The following LTBP3 variants were observed in gnomAD, a reference collection of about 807,000 sequenced individuals.
LTBP3 encodes latent transforming growth factor beta binding protein 3.
Under a neutral mutation model 159.7 loss-of-function variants are expected in LTBP3, and 97 were observed. That is an observed-to-expected ratio of 0.61 (90% CI 0.52 to 0.72). LTBP3 has a LOEUF of 0.72. Among genes scored for constraint, LTBP3 ranks in the 30% least tolerant of loss-of-function variants. The probability of loss-of-function intolerance (pLI) is 0.00; values close to 1 mark genes in which losing one functional copy is unlikely to be tolerated. For synonymous variants in LTBP3, 824 were observed against 777.1 expected, an observed-to-expected ratio of 1.06 and a Z score of -1.00; for missense variants, 1,584 against 1,864.3, an observed-to-expected ratio of 0.85 and a Z score of 2.77.
intron 25 of LTBP3, 43 bp downstream of exon 25, chr11:65,539,677 C>G (rs1404196606): frequency 1.3e-6 from 2 of 1,579,888 alleles, no homozygotes; most frequent in Non-Finnish European, 8.6e-7. Context: ...CGGGCCCTGG[C>G]CCCCATCCTC....
chr11:65,540,790 C>CGGT, intron 21 of LTBP3, 81 bp downstream of exon 21: 1 of 1,479,602 alleles, frequency 6.8e-7, no homozygotes. Context: ...GGGCAGCTGA[C>CGGT]CCAGCGAGTC....
Position 65,543,694 on chromosome 11 carries a change from GCA to G in LTBP3, c.2354-147_2354-146del, listed in dbSNP as rs970764162. On this transcript the variant is annotated intron_variant, in intron 16 of 27. Transcript: ENST00000301873. ...ACAGGCCTCACCCTGCTTCTGGGTG[GCA>G]CACAGTGCCCTGACGACCAGGTCAG... 3 of 1,067,300 alleles carry G rather than the reference GCA, an allele frequency of 2.8e-6. No individual in the cohort carries two copies. In the Admixed American group the frequency reaches 5.4e-5, roughly 19 times the overall value. 66.1% of individuals were successfully genotyped at this position (1,067,300 alleles called of 1,614,324 possible).
In LTBP3 at chr11:65,546,512, G is replaced by A. The variant is rs769833253; in HGVS notation, c.2283C>T (p.Asn761=). 4.4e-6 allele frequency: 7 copies of A among 1,600,592 alleles called. No individual in the cohort carries two copies. In the East Asian group the frequency reaches 1.6e-4, roughly 36 times the overall value. ...AGGTGCAGCGGAAGGAGCCCGGGAG[G>A]TTCTCGCACCAGCCAGGCGAGCAGG... ...GSPCSPGWCE[N]LPGSFRCTCA... is the part of the protein sequence containing the mutation. The change falls in exon 16 of 28, where the codon AAC becomes AAT. Residue 761 remains asparagine (N), a synonymous_variant. Transcript: ENST00000301873. The surrounding 1 kb of genome is among the most constrained non-coding windows in gnomAD (Gnocchi z 4.0).
chr11:65,543,117 T>C lies in LTBP3; in HGVS notation c.2584A>G (p.Arg862Gly), dbSNP rs1301236177. 2 of 1,613,956 alleles carry C rather than the reference T, an allele frequency of 1.2e-6. No homozygotes were observed. Among genetic ancestry groups the C allele is most frequent in the African/African-American group, 2.7e-5 (2 of 74,920 alleles). Residue 862 changes from arginine (R) to glycine (G), a missense_variant, in exon 18 of 28, where the codon AGG becomes GGG. Arg to Gly is a moderately radical substitution (Grantham distance 125, BLOSUM62 -2). Around this residue, in one of 6 missense-constraint regions of LTBP3, gnomAD observed 565 missense variants for 677.7 expected, o/e 0.83. Transcript: ENST00000301873. ...CPQGHRLVGG[R>G]KCQDIDECSQ... ...CAGTCCCCCATACCTTGGCATTTCCTGCCACCCACCAGCCGATGCCCCTGG... is the reference window on the plus strand; with the variant it reads ...CAGTCCCCCATACCTTGGCATTTCCCGCCACCCACCAGCCGATGCCCCTGG...
At chr11:65,540,751 G>C in intron 21 of LTBP3, 120 bp downstream of exon 21, 1 of 1,059,540 alleles carries the variant, frequency 9.4e-7, no homozygotes, top group Non-Finnish European at 1.3e-6. Context: ...GGGCCTGCGA[G>C]GAAGGTGCGG....
Position 65,542,915 on chromosome 11 carries a change from A to AGGAT in LTBP3, c.2596+186_2596+189dup, listed in dbSNP as rs574821182. 271 of 787,444 alleles carry AGGAT rather than the reference A, an allele frequency of 3.4e-4. 1 individual carries two copies. In the African/African-American group the frequency reaches 4.0e-3, roughly 12 times the overall value. 48.8% of individuals were successfully genotyped at this position (787,444 alleles called of 1,614,324 possible). A position where few individuals can be genotyped will look rare whatever the true frequency, so the allele number is the denominator to read the frequency against. On this transcript the variant is annotated intron_variant, in intron 18 of 27. Coordinates refer to ENST00000301873, the MANE Select transcript of LTBP3 (RefSeq NM_001130144.3). ...GTGGGTGAGTGGAAGGATGAATGGA[A>AGGAT]GGATGGATGGATAGAAGGATGGATG...
chr11:65,548,133 C>T (rs1856461726), intron 11 of LTBP3, 88 bp from the exon 12 acceptor site: 2 of 1,590,526 alleles, frequency 1.3e-6, no homozygotes, highest in Admixed American at 3.3e-5. Flanking sequence ...CCCAGTCACA[C>T]CATGACCTCA....
At chr11:65,555,423 T>C (rs1041227709) in intron 1 of LTBP3, among the ~76,000 whole-genome samples, 4 of 148,830 alleles carry the variant, frequency 2.7e-5, no homozygotes, top group African/African-American at 1.0e-4. Flanking sequence ...GTCCCCCCCC[T>C]CTCTATATAT....
Position 65,546,610 on chromosome 11 carries a change from G to A in LTBP3, c.2231-46C>T, listed in dbSNP as rs1221820024. On this transcript the variant is annotated intron_variant, in intron 15 of 27. Coordinates refer to ENST00000301873, the MANE Select transcript of LTBP3 (RefSeq NM_001130144.3). The surrounding 1 kb of genome is among the most constrained non-coding windows in gnomAD (Gnocchi z 4.0). The stretch of plus-strand genomic sequence containing the variant: ...CTCGGACTCTGCCCCACCGGAAGGC[G>A]GACCGCGCACCTCGCGGGGGTGTGG... 2 of 1,597,502 alleles carry A rather than the reference G, an allele frequency of 1.3e-6. No individual in the cohort carries two copies. The highest frequency in any genetic ancestry group is 1.7e-6 in the Non-Finnish European group (2 of 1,179,044).
At chr11:65,557,298 G>A (rs1275363092) in intron 1 of LTBP3, among the ~76,000 whole-genome samples, 2 of 151,962 alleles carry the variant, frequency 1.3e-5, no homozygotes, top group Non-Finnish European at 2.9e-5. Context: ...TCCTGTCCCC[G>A]GCTCACATTC....
intron 11 of LTBP3, 176 bp from the exon 12 acceptor site, chr11:65,548,221 A>C: frequency 1.1e-6 from 1 of 925,868 alleles, no homozygotes; most frequent in African/African-American, 1.6e-5. Flanking sequence ...AAGACCCCAG[A>C]AAGCTCCAAA....
intron 20 of LTBP3, 48 bp from the exon 21 acceptor site, chr11:65,541,002 C>A: frequency 3.1e-6 from 5 of 1,594,008 alleles, no homozygotes; most frequent in Non-Finnish European, 4.3e-6. Context: ...GGACTGAGCG[C>A]GCGCGTGGGC....
intron 1 of LTBP3, 30 bp downstream of exon 1, chr11:65,557,599 C>G: frequency 6.2e-7 from 1 of 1,605,286 alleles, no homozygotes; most frequent in Non-Finnish European, 8.5e-7. Context: ...CTGTCCTTCC[C>G]CTGCCCCCAG....
rs758810341 is a variant in LTBP3, at chr11:65,547,834, G to T, written c.1847-13C>A. The T allele has an allele frequency of 6.2e-7, 1 of 1,613,286 alleles. No individual in the cohort carries two copies. The highest frequency in any genetic ancestry group is 2.2e-5 in the East Asian group (1 of 44,878). On this transcript the variant is annotated splice_polypyrimidine_tract_variant and intron_variant, in intron 12 of 27. Transcript: ENST00000301873. The surrounding 1 kb of genome is among the most constrained non-coding windows in gnomAD (Gnocchi z 4.6). Reference sequence around the variant, plus strand: ...CACTCGTTCACATCTGAGAAGAACGGGTAGGCCAAGAAAAGTCAAAGGAAG... The same window carrying T: ...CACTCGTTCACATCTGAGAAGAACGTGTAGGCCAAGAAAAGTCAAAGGAAG...
chr11:65,543,322 C>A, intron 17 of LTBP3, 98 bp from the exon 18 acceptor site: 7 of 1,611,706 alleles, frequency 4.3e-6, no homozygotes, highest in Non-Finnish European at 5.9e-6. Context: ...GTCAGTCCCA[C>A]GCCCCTATGC....
In LTBP3 at chr11:65,539,236, A is replaced by C. The variant is rs1855935010; in HGVS notation, c.3761-5T>G. On this transcript the variant is annotated splice_region_variant and splice_polypyrimidine_tract_variant and intron_variant, in intron 27 of 27. Transcript: ENST00000301873. ...GCTCTCGGCACTCGTCGATATCTGA[A>C]GGTGAGGGCGACAGGTGCGGCTTCG... The C allele has an allele frequency of 2.0e-6, 3 of 1,526,280 alleles. No individual in the cohort carries two copies. Among genetic ancestry groups the C allele is most frequent in the East Asian group, 5.1e-5 (2 of 39,006 alleles). The allele number at this position is 1,526,280 out of a possible 1,614,324, so 94.5% of individuals were successfully genotyped here.
chr11:65,547,630 A>G lies in LTBP3; in HGVS notation c.1978+60T>C. ...GGCGGCGGGCAAGGGGAGGGATTAC[A>G]CGGCGGTCTGGAGGAGAGCCCGTCC... On this transcript the variant is annotated intron_variant, in intron 13 of 27. Coordinates refer to ENST00000301873, the MANE Select transcript of LTBP3 (RefSeq NM_001130144.3). This position sits in a 1 kb window ranked among gnomAD's most constrained non-coding sequence, Gnocchi z 4.6. 6.2e-7 allele frequency: 1 copy of G among 1,609,314 alleles called. No individual in the cohort carries two copies. Among genetic ancestry groups the G allele is most frequent in the Non-Finnish European group, 8.5e-7 (1 of 1,178,522 alleles).
At chr11:65,540,732 T>TACAGGAGGGGCGGGGCCA in intron 21 of LTBP3, 118 bp from the exon 22 acceptor site, 2 of 1,514,998 alleles carry the variant, frequency 1.3e-6, no homozygotes, top group Non-Finnish European at 1.8e-6. Context: ...GGGCGGGGCC[T>TACAGGAGGGGCGGGGCCA]ACAGGGCGGG....
chr11:65,557,260 C>G (rs951781208), intron 1 of LTBP3, among the ~76,000 whole-genome samples: 35 of 152,098 alleles, frequency 2.3e-4, no homozygotes, highest in Admixed American at 3.9e-4. Flanking sequence ...CTGCTTCTTG[C>G]GGGAATATTT....
Sources: allele counts gnomAD v4.1 joint callset (sites outside exome capture counted in the v4.1 genomes callset), GRCh38; gene constraint gnomAD v4.1.1; regional missense constraint gnomAD v4.1.1; non-coding constraint Gnocchi (gnomAD v3.1); transcripts MANE v1.5; gene names NCBI Gene and HGNC (gene_info 2026-07-23, HGNC 2026-07-21).